TNR: variants seen among roughly 807,000 people sequenced by gnomAD.
TNR encodes tenascin R, also known as tenascin-R.
A neutral mutation model predicts 150.4 loss-of-function variants in TNR; 45 were observed. The observed-to-expected ratio is 0.30, with a 90% CI of 0.24 to 0.38. TNR has a LOEUF of 0.38. Among genes scored for constraint, TNR ranks in the 10% least tolerant of loss-of-function variants. The pLI is 1.00. For missense variants in TNR, 1,544 were observed against 1,759.1 expected (o/e 0.88, Z 2.19); for synonymous variants, 687 against 678.4 (o/e 1.01, Z -0.20).
At chr1:175,372,952 CGATTTTTAT>C (rs1652172757) in intron 9 of TNR, among the ~76,000 whole-genome samples, 2 of 152,104 alleles carry the variant, frequency 1.3e-5, no homozygotes, top group South Asian at 4.1e-4. Context: ...AGTCAATCTG[CGATTTTTAT>C]AGTGATTATG....
intron 1 of TNR, among the ~76,000 whole-genome samples, chr1:175,685,250 C>T (rs1252054834): frequency 1.3e-5 from 2 of 152,192 alleles, no homozygotes; most frequent in Non-Finnish European, 2.9e-5. Flanking sequence ...CCTAAGTACT[C>T]AAGGAAAAGA....
At chr1:175,684,279 T>C (rs924262990) in intron 1 of TNR, among the ~76,000 whole-genome samples, 2 of 152,190 alleles carry the variant, frequency 1.3e-5, no homozygotes, top group African/African-American at 4.8e-5. Flanking sequence ...TGTTAGGTGC[T>C]ACAGTCAAGA....
At chr1:175,534,239 G>T (rs1660184431) in intron 1 of TNR, among the ~76,000 whole-genome samples, 1 of 152,206 alleles carries the variant, frequency 6.6e-6, no homozygotes, top group African/African-American at 2.4e-5. Flanking sequence ...GCAAGCTGGG[G>T]CCTGCCTCCC....
chr1:175,574,296 G>T (rs1662012437), intron 1 of TNR, among the ~76,000 whole-genome samples: 1 of 152,142 alleles, frequency 6.6e-6, no homozygotes, highest in South Asian at 2.1e-4. Flanking sequence ...GAAATGAAAA[G>T]ACGTCCTGTC....
chr1:175,463,929 TAA>T (rs2102108481), intron 2 of TNR, among the ~76,000 whole-genome samples: 1 of 152,360 alleles, frequency 6.6e-6, no homozygotes, highest in African/African-American at 2.4e-5. Context: ...TTTATGTATA[TAA>T]AGCAGAAGGC....
At chr1:175,373,743 C>T (rs1333911073) in intron 9 of TNR, among the ~76,000 whole-genome samples, 2 of 122,448 alleles carry the variant, frequency 1.6e-5, no homozygotes, top group African/African-American at 3.2e-5. Flanking sequence ...GTACTCCCTG[C>T]TGAGGAGTGG....
At chr1:175,528,444 C>G (rs1659935282) in intron 1 of TNR, 75 bp from the exon 2 acceptor site, 1 of 152,180 alleles carries the variant, frequency 6.6e-6, no homozygotes, top group Non-Finnish European at 1.5e-5. Flanking sequence ...CCTTTCTATT[C>G]TAAGTACCAC....
At chr1:175,367,103 C>T (rs1174131014) in intron 10 of TNR, 105 bp downstream of exon 10, 3 of 959,650 alleles carry the variant, frequency 3.1e-6, no homozygotes, top group African/African-American at 1.6e-5. Context: ...GCCCTGTTCA[C>T]TGGAAGACAT....
intron 5 of TNR, among the ~76,000 whole-genome samples, chr1:175,394,101 A>T (rs780670886): frequency 7.9e-5 from 12 of 152,270 alleles, no homozygotes; most frequent in Non-Finnish European, 1.6e-4. Context: ...TTGATGGAAT[A>T]CATGAGTTAA....
intron 1 of TNR, among the ~76,000 whole-genome samples, chr1:175,723,718 T>G (rs1388803993): frequency 6.6e-6 from 1 of 152,028 alleles, no homozygotes; most frequent in African/African-American, 2.4e-5. Context: ...CTAAAAATAA[T>G]TTTTTAAAAA....
chr1:175,379,419 T>G, intron 9 of TNR, 133 bp downstream of exon 9: 1 of 722,236 alleles, frequency 1.4e-6, no homozygotes, highest in Non-Finnish European at 2.3e-6. Flanking sequence ...GTACTAGACA[T>G]ATGTGCTAGG....
chr1:175,732,299 G>C (rs1667663187), intron 1 of TNR, among the ~76,000 whole-genome samples: 1 of 152,232 alleles, frequency 6.6e-6, no homozygotes. Flanking sequence ...TGGATGAGTA[G>C]TTACAGCTTT....
intron 4 of TNR, among the ~76,000 whole-genome samples, chr1:175,401,990 A>G (rs1253318583): frequency 2.0e-5 from 3 of 152,230 alleles, no homozygotes; most frequent in Non-Finnish European, 4.4e-5. Context: ...TAGTGAAATA[A>G]TAAACATAAT....
At chr1:175,486,442 A>G (rs1658020487) in intron 2 of TNR, among the ~76,000 whole-genome samples, 1 of 152,188 alleles carries the variant, frequency 6.6e-6, no homozygotes, top group South Asian at 2.1e-4. Context: ...ATGTCCCTGT[A>G]AAGGACATGA....
chr1:175,678,170 A>G (rs1027502713), intron 1 of TNR, among the ~76,000 whole-genome samples: 3 of 152,196 alleles, frequency 2.0e-5, no homozygotes, highest in Admixed American at 1.3e-4. Flanking sequence ...ACCCTCAGCC[A>G]TCCTAGAAAC....
rs574611299 is a variant in TNR at position 175,729,793 on chromosome 1, C to T, written c.-165+13433G>A. On this transcript the variant is annotated intron_variant, in intron 1 of 22. Coordinates refer to ENST00000367674, the MANE Select transcript of TNR (RefSeq NM_003285.3). ...TGTTAAAACAAGAAGAGCACAGCAT[C>T]CCCTGGAATTCTACTGAAGATGGGG... Among the ~76,000 whole-genome samples the T allele has an allele frequency of 6.8e-4, 103 of 152,248 alleles. No individual in the cohort carries two copies. In the South Asian group the frequency reaches 0.02, roughly 29 times the overall value.
At chr1:175,335,935 G>T (rs1650225878) in intron 19 of TNR, 128 bp from the exon 20 acceptor site, 2 of 767,486 alleles carry the variant, frequency 2.6e-6, no homozygotes, top group Non-Finnish European at 4.2e-6. Context: ...TGACAAAGAT[G>T]TCCAAAGAAG....
intron 1 of TNR, among the ~76,000 whole-genome samples, chr1:175,529,481 T>C (rs1571565992): frequency 6.6e-6 from 1 of 152,122 alleles, no homozygotes; most frequent in Non-Finnish European, 1.5e-5. Context: ...GCCTGGCGAG[T>C]GGGGACAATA....
At chr1:175,535,105 G>T (rs1660218844) in intron 1 of TNR, among the ~76,000 whole-genome samples, 1 of 152,102 alleles carries the variant, frequency 6.6e-6, no homozygotes, top group Non-Finnish European at 1.5e-5. Flanking sequence ...AGTGAGAATG[G>T]GCTAATACAG....
Sources: allele counts gnomAD v4.1 joint callset (sites outside exome capture counted in the v4.1 genomes callset), GRCh38; gene constraint gnomAD v4.1.1; transcripts MANE v1.5; gene names NCBI Gene and HGNC (gene_info 2026-07-23, HGNC 2026-07-21).